The following LINGO2 variants were observed in gnomAD, a reference collection of about 807,000 sequenced individuals.
LINGO2 encodes leucine-rich repeat and immunoglobulin-like domain-containing nogo receptor-interacting protein 2.
Under a neutral mutation model 30.6 loss-of-function variants are expected in LINGO2, and 14 were observed. The ratio of observed to expected loss-of-function variants is 0.46; its 90% confidence interval spans 0.30 to 0.72. The LOEUF is 0.72. Ranked by LOEUF, LINGO2 falls within the 30% of genes least tolerant of loss-of-function variation. The probability of loss-of-function intolerance (pLI) is 0.07; values close to 1 mark genes in which losing one functional copy is unlikely to be tolerated. For synonymous variants in LINGO2, 317 were observed against 288.5 expected, an observed-to-expected ratio of 1.10 and a Z score of -1.00; for missense variants, 729 against 751.7, an observed-to-expected ratio of 0.97 and a Z score of 0.35.
At chr9:28,642,300 C>A (rs906030385) in intron 1 of LINGO2, among the ~76,000 whole-genome samples, 1 of 152,044 alleles carries the variant, frequency 6.6e-6, no homozygotes, top group Non-Finnish European at 1.5e-5. Flanking sequence ...TGTGAGATAA[C>A]TAATTTTTAG....
chr9:28,035,761 GTTATGTATT>G lies in LINGO2; in HGVS notation c.-86-23365_-86-23357del, dbSNP rs375148934. On this transcript the variant is annotated intron_variant, in intron 4 of 5. Transcript: ENST00000379992. ...CATTGTAGGGGTATGTTGAATATAT[GTTATGTATT>G]TTATGTATTTTAGTAGAAAGGTGCT... Among the ~76,000 whole-genome samples the G allele has an allele frequency of 1.1e-3, 167 of 152,240 alleles. 1 individual carries two copies. The highest frequency in any genetic ancestry group is 3.9e-3 in the African/African-American group (163 of 41,562).
chr9:29,019,993 A>C, the LINGO2 span, among the ~76,000 whole-genome samples: 1 of 152,176 alleles, frequency 6.6e-6, no homozygotes, highest in African/African-American at 2.4e-5. Context: ...CCTATATAAA[A>C]GGAATAATAA....
At chr9:28,723,645 T>C in the LINGO2 span, among the ~76,000 whole-genome samples, 1 of 152,110 alleles carries the variant, frequency 6.6e-6, no homozygotes, top group African/African-American at 2.4e-5. Flanking sequence ...ATCACTCCTA[T>C]TATCAAAGTA....
chr9:28,190,079 A>G (rs1291808530), intron 4 of LINGO2, among the ~76,000 whole-genome samples: 1 of 152,164 alleles, frequency 6.6e-6, no homozygotes, highest in African/African-American at 2.4e-5. Context: ...ACGTTTCACA[A>G]ACATGGATAT....
At chr9:28,209,100 T>G (rs995833777) in intron 4 of LINGO2, among the ~76,000 whole-genome samples, 2 of 152,084 alleles carry the variant, frequency 1.3e-5, no homozygotes, top group African/African-American at 4.8e-5. Context: ...TTATGTAATC[T>G]TGAAAGCAGT....
intron 4 of LINGO2, among the ~76,000 whole-genome samples, chr9:28,184,077 G>A (rs74994639): frequency 0.047 from 7,178 of 152,016 alleles, 256 homozygotes; most frequent in Admixed American, 0.088. Flanking sequence ...TCTTGTTGCT[G>A]GATTAAAGAA....
intron 4 of LINGO2, among the ~76,000 whole-genome samples, chr9:28,252,429 G>A (rs1350175267): frequency 1.3e-5 from 2 of 152,080 alleles, no homozygotes; most frequent in African/African-American, 4.8e-5. Context: ...GTTTTGCCAT[G>A]TTGGCCAGGA....
intron 2 of LINGO2, among the ~76,000 whole-genome samples, chr9:28,377,462 C>G (rs1821175466): frequency 6.6e-6 from 1 of 152,142 alleles, no homozygotes; most frequent in African/African-American, 2.4e-5. Context: ...TTTATGTTAT[C>G]AGTAAGCCTT....
intron 4 of LINGO2, among the ~76,000 whole-genome samples, chr9:28,046,762 C>T (rs926570904): frequency 1.3e-5 from 2 of 151,992 alleles, no homozygotes; most frequent in Admixed American, 1.3e-4. Context: ...ATATTGTCCC[C>T]TGATGCAACT....
intron 2 of LINGO2, among the ~76,000 whole-genome samples, chr9:28,468,664 A>G (rs1825404528): frequency 6.6e-6 from 1 of 152,186 alleles, no homozygotes; most frequent in Non-Finnish European, 1.5e-5. Flanking sequence ...CAGACTGACT[A>G]ATACAGGTTT....
At chr9:28,913,961 T>C in the LINGO2 span, among the ~76,000 whole-genome samples, 2 of 152,320 alleles carry the variant, frequency 1.3e-5, no homozygotes, top group Admixed American at 1.3e-4. Context: ...CATTTAATTG[T>C]ACTTTTGAAT....
chr9:28,674,479 C>T (rs1829144164), upstream of LINGO2, among the ~76,000 whole-genome samples: 1 of 152,048 alleles, frequency 6.6e-6, no homozygotes, highest in African/African-American at 2.4e-5. Context: ...TTAATTATGT[C>T]TCTACAAGTG....
chr9:29,163,131 C>A, the LINGO2 span, among the ~76,000 whole-genome samples: 1 of 152,108 alleles, frequency 6.6e-6, no homozygotes, highest in Non-Finnish European at 1.5e-5. Flanking sequence ...TCATGAATAT[C>A]AAAACTACAT....
At chr9:28,500,058 C>G (rs899480070) in intron 1 of LINGO2, among the ~76,000 whole-genome samples, 46 of 152,146 alleles carry the variant, frequency 3.0e-4, no homozygotes, top group Non-Finnish European at 5.1e-4. Context: ...CTAGTTCTCA[C>G]CGCTCAGGAG....
At chr9:28,602,617 T>C (rs1449743172) in intron 1 of LINGO2, among the ~76,000 whole-genome samples, 1 of 152,118 alleles carries the variant, frequency 6.6e-6, no homozygotes, top group Non-Finnish European at 1.5e-5. Context: ...AAAAGAAATA[T>C]AGTAAAGACA....
chr9:27,983,466 A>C (rs534656524), intron 5 of LINGO2, among the ~76,000 whole-genome samples: 1 of 151,962 alleles, frequency 6.6e-6, no homozygotes, highest in African/African-American at 2.4e-5. Context: ...TCCAAAAGTC[A>C]TTGAATTCCT....
chr9:28,198,448 C>A (rs1270640608), intron 4 of LINGO2, among the ~76,000 whole-genome samples: 2 of 152,154 alleles, frequency 1.3e-5, no homozygotes, highest in Non-Finnish European at 2.9e-5. Flanking sequence ...AGCCAATTTA[C>A]TTTTCAACAA....
Position 28,302,797 on chromosome 9 carries a change from G to C in LINGO2, c.-245-7431C>G, listed in dbSNP as rs111431949. ...TTTGGCAAGTGACCATTGAGAATTA[G>C]TGTGTCACATTGTATGCTTTACATA... On this transcript the variant is annotated intron_variant, in intron 3 of 5. Transcript: ENST00000379992. Among the ~76,000 whole-genome samples the C allele has an allele frequency of 2.6e-5, 4 of 152,312 alleles. 1 individual carries two copies. The highest frequency in any genetic ancestry group is 9.6e-5 in the African/African-American group (4 of 41,570).
At chr9:28,189,766 C>G (rs1468742341) in intron 4 of LINGO2, among the ~76,000 whole-genome samples, 2 of 151,670 alleles carry the variant, frequency 1.3e-5, no homozygotes, top group Admixed American at 6.6e-5. Context: ...TTTACTAGTG[C>G]CTGATATTCC....
Sources: allele counts gnomAD v4.1 joint callset (sites outside exome capture counted in the v4.1 genomes callset), GRCh38; gene constraint gnomAD v4.1.1; transcripts MANE v1.5; gene names NCBI Gene and HGNC (gene_info 2026-07-23, HGNC 2026-07-21).